RAPGEF4: variants seen among roughly 807,000 people sequenced by gnomAD.
RAPGEF4 encodes the protein RAP guanine-nucleotide-exchange factor (GEF) 4.
In RAPGEF4, 66 loss-of-function variants were observed where a neutral mutation model predicts 147.9. The observed-to-expected ratio is 0.45, with a 90% CI of 0.37 to 0.55. The LOEUF (loss-of-function observed/expected upper bound fraction) is 0.55, where lower values mean the gene tolerates loss of function less well. Ranked by LOEUF, RAPGEF4 falls within the 20% of genes least tolerant of loss-of-function variation. The pLI is 0.00. For missense variants in RAPGEF4, 1,071 were observed against 1,257.3 expected, an observed-to-expected ratio of 0.85 and a Z score of 2.24; for synonymous variants, 419 against 442.7, an observed-to-expected ratio of 0.95 and a Z score of 0.67.
intron 16 of RAPGEF4, among the ~76,000 whole-genome samples, chr2:172,998,552 T>G (rs1188852329): frequency 2.0e-5 from 3 of 152,166 alleles, no homozygotes; most frequent in African/African-American, 7.2e-5. Flanking sequence ...CACTCCAGCT[T>G]GCACAACAAC....
Position 172,740,532 on chromosome 2 carries a change from C to T in RAPGEF4, c.65+4484C>T, listed in dbSNP as rs528586636. Among the ~76,000 whole-genome samples, 31 of 152,206 alleles carry T rather than the reference C, an allele frequency of 2.0e-4. 1 individual carries two copies. The South Asian group carries it at 6.4e-3, about 32-fold the overall frequency. On this transcript the variant is annotated intron_variant, in intron 1 of 30. Coordinates refer to ENST00000397081, the MANE Select transcript of RAPGEF4 (RefSeq NM_007023.4). The stretch of plus-strand genomic sequence containing the variant: ...TTAGCTATTTTGATTAGGTTGAATT[C>T]GAGTGAAAGAAATCAAGAAACAAAT...
chr2:172,766,268 G>A (rs946194223), intron 1 of RAPGEF4, among the ~76,000 whole-genome samples: 4 of 152,008 alleles, frequency 2.6e-5, no homozygotes, highest in African/African-American at 9.7e-5. Flanking sequence ...TATATAATTT[G>A]GGGCCGGGCA....
chr2:172,856,315 A>G (rs907959679), intron 4 of RAPGEF4, among the ~76,000 whole-genome samples: 1 of 152,202 alleles, frequency 6.6e-6, no homozygotes, highest in Non-Finnish European at 1.5e-5. Context: ...CTTTTTAATA[A>G]CTTGTACTTC....
intron 14 of RAPGEF4, 97 bp downstream of exon 14, chr2:172,988,936 G>C: frequency 7.5e-7 from 1 of 1,339,372 alleles, no homozygotes; most frequent in Non-Finnish European, 1.0e-6. Flanking sequence ...GTAGTCCTGT[G>C]ATGAATGAGT....
chr2:172,784,053 C>G (rs1435993073), intron 1 of RAPGEF4, among the ~76,000 whole-genome samples: 4 of 152,134 alleles, frequency 2.6e-5, no homozygotes, highest in Non-Finnish European at 5.9e-5. Context: ...TCTTCTTTCC[C>G]ATTTCCATTG....
chr2:172,846,024 T>A (rs1202333344), intron 4 of RAPGEF4, among the ~76,000 whole-genome samples: 1 of 152,216 alleles, frequency 6.6e-6, no homozygotes, highest in Non-Finnish European at 1.5e-5. Flanking sequence ...CAAACCCTCC[T>A]CACCGCAGCA....
chr2:173,017,434 T>C lies in RAPGEF4; in HGVS notation c.1938T>C (p.Val646=). ...TGTGGTTGTTTTTACAGCACAAGGT[T>C]CTTTTGCAACAGTTCAATACGGGCG... The part of the protein sequence containing the change: ...DAKAPQKKHK[V]LLQQFNTGDE... Residue 646 remains valine (V), a synonymous_variant, in exon 21 of 31, where the codon GTT becomes GTC. Coordinates refer to ENST00000397081, the MANE Select transcript of RAPGEF4 (RefSeq NM_007023.4). 6.2e-7 allele frequency: 1 copy of C among 1,614,124 alleles called. No homozygotes were observed. The highest frequency in any genetic ancestry group is 8.5e-7 in the Non-Finnish European group (1 of 1,179,956).
At chr2:173,017,242 G>A (rs765841453) in intron 20 of RAPGEF4, 38 bp downstream of exon 20, 10 of 1,594,878 alleles carry the variant, frequency 6.3e-6, no homozygotes, top group South Asian at 2.2e-5. Flanking sequence ...TCTGTGTCCT[G>A]TAGAATTACA....
chr2:172,835,085 C>T (rs1203195052), intron 4 of RAPGEF4, among the ~76,000 whole-genome samples: 2 of 152,214 alleles, frequency 1.3e-5, no homozygotes, highest in African/African-American at 4.8e-5. Flanking sequence ...TGAGATCAAA[C>T]TGCTCTCTTT....
chr2:172,925,907 GAGAA>G (rs1446257459), intron 6 of RAPGEF4, among the ~76,000 whole-genome samples: 5 of 139,378 alleles, frequency 3.6e-5, no homozygotes, highest in South Asian at 2.5e-4. Context: ...AGAAGAAAGA[GAGAA>G]AGAAAGAGTA....
chr2:173,045,668 C>T (rs1038935866), intron 29 of RAPGEF4, among the ~76,000 whole-genome samples: 6 of 151,970 alleles, frequency 3.9e-5, no homozygotes, highest in Non-Finnish European at 7.4e-5. Context: ...GATAAATGAG[C>T]GAAAAGTAAA....
intron 1 of RAPGEF4, among the ~76,000 whole-genome samples, chr2:172,764,974 A>G (rs1296378031): frequency 6.6e-6 from 1 of 152,210 alleles, no homozygotes; most frequent in Non-Finnish European, 1.5e-5. Context: ...GGCTTAAAGA[A>G]TAGGAATGTA....
chr2:172,825,008 C>T (rs1370668797), intron 4 of RAPGEF4, among the ~76,000 whole-genome samples: 1 of 152,178 alleles, frequency 6.6e-6, no homozygotes, highest in Non-Finnish European at 1.5e-5. Context: ...AGCTTTTATT[C>T]TGCCACCAAC....
intron 4 of RAPGEF4, among the ~76,000 whole-genome samples, chr2:172,910,734 T>G (rs989660257): frequency 6.6e-6 from 1 of 152,206 alleles, no homozygotes; most frequent in African/African-American, 2.4e-5. Context: ...TCTCACAGTG[T>G]GGCAGATGGC....
chr2:173,000,541 C>T (rs1322438718), intron 16 of RAPGEF4, among the ~76,000 whole-genome samples: 2 of 152,170 alleles, frequency 1.3e-5, no homozygotes, highest in Non-Finnish European at 2.9e-5. Context: ...GAAGAACCAG[C>T]ATCAAATTCA....
In RAPGEF4 at chr2:173,036,669, A is replaced by C; in HGVS notation, c.2830A>C (p.Asn944His). ...TGAGGGGAACAAGACGTTCATTGAC[A>C]ATCTAGTAAACTTTGAAAAAATGGT... ...THEGNKTFID[N>H]LVNFEKMRMI... is the part of the protein sequence containing the mutation. Residue 944 changes from asparagine (N) to histidine (H), a missense_variant, in exon 29 of 31, where the codon AAT (asparagine) becomes CAT (histidine). Physicochemically the swap from Asn to His is moderately conservative, Grantham distance 68. Coordinates refer to ENST00000397081, the MANE Select transcript of RAPGEF4 (RefSeq NM_007023.4). The C allele has an allele frequency of 6.2e-7, 1 of 1,611,670 alleles. No homozygotes were observed. Among genetic ancestry groups the C allele is most frequent in the Non-Finnish European group, 8.5e-7 (1 of 1,178,270 alleles).
intron 29 of RAPGEF4, among the ~76,000 whole-genome samples, chr2:173,038,991 T>C (rs1684406061): frequency 6.6e-6 from 1 of 152,180 alleles, no homozygotes; most frequent in Admixed American, 6.5e-5. Flanking sequence ...CCCAGAGCAG[T>C]GGATTCCTCC....
intron 4 of RAPGEF4, among the ~76,000 whole-genome samples, chr2:172,847,898 G>A (rs549425083): frequency 5.1e-4 from 77 of 152,068 alleles, no homozygotes; most frequent in African/African-American, 1.8e-3. Context: ...TTATTGATTG[G>A]GGCCCATGGA....
chr2:173,011,201 C>A (rs1426772251), intron 17 of RAPGEF4, among the ~76,000 whole-genome samples: 1 of 151,932 alleles, frequency 6.6e-6, no homozygotes, highest in Admixed American at 6.6e-5. Context: ...CACACACACA[C>A]ACACACACGG....
Sources: allele counts gnomAD v4.1 joint callset (sites outside exome capture counted in the v4.1 genomes callset), GRCh38; gene constraint gnomAD v4.1.1; transcripts MANE v1.5; gene names NCBI Gene and HGNC (gene_info 2026-07-23, HGNC 2026-07-21).